The following CENPT variants were observed in gnomAD, a reference collection of about 807,000 sequenced individuals.
CENPT encodes the protein interphase centromere complex protein 22.
Under a neutral mutation model 59.7 loss-of-function variants are expected in CENPT, and 42 were observed. The ratio of observed to expected loss-of-function variants is 0.70; its 90% CI spans 0.55 to 0.91. CENPT has a LOEUF of 0.91. CENPT is among the 40% of genes least tolerant of loss of function. CENPT has a pLI of 0.00. For missense variants in CENPT, 716 were observed against 713.4 expected, an observed-to-expected ratio of 1.00 and a Z score of -0.04; for synonymous variants, 295 against 289.6, an observed-to-expected ratio of 1.02 and a Z score of -0.19.
In CENPT at chr16:67,830,188, C is replaced by T. The variant is rs1241499225; in HGVS notation, c.863-100G>A. 4 of 1,317,388 alleles carry T rather than the reference C, an allele frequency of 3.0e-6. No homozygotes were observed. In the East Asian group the frequency reaches 9.7e-5, roughly 32 times the overall value. 81.6% of individuals were successfully genotyped at this position (1,317,388 alleles called of 1,614,324 possible). On this transcript the variant is annotated intron_variant, in intron 11 of 15. Transcript: ENST00000562787. ...GGACCAGCAGACCCAGTCCTGCCCA[C>T]TGAGGAAAGACAAAGCCAGAGGCAG...
chr16:67,835,515 T>G (rs1297096575), intron 2 of CENPT, 23 bp downstream of exon 2: 2 of 151,992 alleles, frequency 1.3e-5, no homozygotes, highest in Non-Finnish European at 2.9e-5. Flanking sequence ...ACACAAAAAT[T>G]AGCTGGGTGT....
At chr16:67,840,021 T>A (rs2057751955) in intron 1 of CENPT, among the ~76,000 whole-genome samples, 1 of 152,016 alleles carries the variant, frequency 6.6e-6, no homozygotes, top group South Asian at 2.1e-4. Flanking sequence ...TAATTAGAAG[T>A]AATGTACATT....
At position 67,832,038 on chromosome 16, in the gene CENPT, G is replaced by A. The variant is rs201330281; in HGVS notation, c.360C>T (p.Pro120=). 6.2e-7 allele frequency: 1 copy of A among 1,609,746 alleles called. No homozygotes were observed. The highest frequency in any genetic ancestry group is 1.3e-5 in the African/African-American group (1 of 74,992). ...TGCCGCAACTGCTCTCTTGTCTGGAGGGTTGGACCGCCTGCGGTGCTGGCA... is the reference window on the plus strand; with the variant it reads ...TGCCGCAACTGCTCTCTTGTCTGGAAGGTTGGACCGCCTGCGGTGCTGGCA... ...KPVPAPQAVQ[P]SRQESSCGSL... The change falls in exon 7 of 16, where the codon CCC becomes CCT. Residue 120 remains proline (P), a synonymous_variant. Coordinates refer to ENST00000562787, the MANE Select transcript of CENPT (RefSeq NM_025082.4).
chr16:67,831,361 G>T lies in CENPT; in HGVS notation c.561-3C>A. On this transcript the variant is annotated splice_region_variant and splice_polypyrimidine_tract_variant and intron_variant, in intron 9 of 15. Coordinates refer to ENST00000562787, the MANE Select transcript of CENPT (RefSeq NM_025082.4). ...TGGCAAAGGTCAGGTTGAGGGATCT[G>T]GTGAGGTGGGGAGGCACAGAGGAAA... 6.2e-7 allele frequency: 1 copy of T among 1,612,688 alleles called. No individual in the cohort carries two copies. The highest frequency in any genetic ancestry group is 8.5e-7 in the Non-Finnish European group (1 of 1,178,994).
At position 67,832,333 on chromosome 16, in the gene CENPT, A is replaced by G. The variant is rs751720385; in HGVS notation, c.202-18T>C. On this transcript the variant is annotated intron_variant, in intron 5 of 15. Transcript: ENST00000562787. ...CCAACAGACTATCGGCAAAGCACCA[A>G]GCAACCAGTCTGTCCGTCTGCCTTG... 7 of 1,613,816 alleles carry G rather than the reference A, an allele frequency of 4.3e-6. No homozygotes were observed. The highest frequency in any genetic ancestry group is 3.4e-6 in the Non-Finnish European group (4 of 1,179,698).
rs1792212858 is a variant in CENPT, at chr16:67,828,684, A to G, written c.1440T>C (p.Leu480=). ...YAKMPMERKA[L]EMVEKCLDKY... is the part of the protein sequence containing the mutation. ...GGACTCACCACTTCTCCACCATCTC[A>G]AGAGCCTTCCTCTCCATGGGCATCT... The change falls in exon 14 of 16, where the codon CTT becomes CTC. Residue 480 remains leucine (L), a synonymous_variant. Transcript: ENST00000562787. 1 of 1,611,526 alleles carries G rather than the reference A, an allele frequency of 6.2e-7. No homozygotes were observed. Among genetic ancestry groups the G allele is most frequent in the African/African-American group, 1.3e-5 (1 of 74,818 alleles).
rs894434139 is a variant in CENPT, at chr16:67,842,510, G to C, written c.-492+4891C>G. 4.2e-6 allele frequency: 6 copies of C among 1,431,562 alleles called. 1 individual carries two copies. The South Asian group carries it at 4.4e-5, about 11-fold the overall frequency. The allele number at this position is 1,431,562 out of a possible 1,614,324, so 88.7% of individuals were successfully genotyped here. ...GCGGCGTAGCCACTGGGCCGTCGAA[G>C]AGCGCAGGAGGCCGGTGGGCCGGGC... On this transcript the variant is annotated intron_variant, in intron 1 of 15. Coordinates refer to ENST00000562787, the MANE Select transcript of CENPT (RefSeq NM_025082.4). The surrounding 1 kb of genome is among the most constrained non-coding windows in gnomAD (Gnocchi z 4.9).
Position 67,830,631 on chromosome 16 carries a change from C to T in CENPT, c.704-83G>A, listed in dbSNP as rs974162426. 54 of 1,435,752 alleles carry T rather than the reference C, an allele frequency of 3.8e-5. No individual in the cohort carries two copies. The Middle Eastern group carries it at 5.4e-4, about 14-fold the overall frequency. The allele number at this position is 1,435,752 out of a possible 1,614,324, so 88.9% of individuals were successfully genotyped here. ...GGCTCTCAGCGTATTCCAGGCCCAC[C>T]GGCTGCTACTCAGCGTTGCCAGGGC... On this transcript the variant is annotated intron_variant, in intron 10 of 15. Coordinates refer to ENST00000562787, the MANE Select transcript of CENPT (RefSeq NM_025082.4).
chr16:67,831,285 G>A lies in CENPT; in HGVS notation c.634C>T (p.Pro212Ser). ...VQRPGLARRP[P>S]ARRAVDVGAF... is the part of the protein sequence containing the mutation. Reference sequence around the variant, plus strand: ...CCCACGTCTACAGCTCGGCGGGCTGGAGGTCTGCGGGCCAAGCCAGGCCTC... The same window carrying A: ...CCCACGTCTACAGCTCGGCGGGCTGAAGGTCTGCGGGCCAAGCCAGGCCTC... The change falls in exon 10 of 16, where the codon CCA becomes TCA. Residue 212 changes from proline to serine, a missense_variant. Transcript: ENST00000562787. The A allele has an allele frequency of 6.2e-7, 1 of 1,614,174 alleles. No homozygotes were observed.
Position 67,833,734 on chromosome 16 carries a change from G to C in CENPT, c.110+16C>G, listed in dbSNP as rs59819720. ...CCCTCTAGTTGCTCAAGTACTCGGGGAGCCCCCTCACATACCCAGCCCGAG... is the reference window on the plus strand; with the variant it reads ...CCCTCTAGTTGCTCAAGTACTCGGGCAGCCCCCTCACATACCCAGCCCGAG... On this transcript the variant is annotated intron_variant, in intron 4 of 15. Coordinates refer to ENST00000562787, the MANE Select transcript of CENPT (RefSeq NM_025082.4). 0.011 allele frequency: 16,734 copies of C among 1,469,596 alleles called. 1,127 individuals are homozygous for C. The African/African-American group carries it at 0.17, about 15-fold the overall frequency. 91.0% of individuals were successfully genotyped at this position (1,469,596 alleles called of 1,614,324 possible).
At chr16:67,836,606 T>C (rs995133363) in intron 1 of CENPT, among the ~76,000 whole-genome samples, 1 of 151,176 alleles carries the variant, frequency 6.6e-6, no homozygotes, top group Non-Finnish European at 1.5e-5. Context: ...CCCGGCTAAT[T>C]TTTTGTATTT....
intron 13 of CENPT, 198 bp from the exon 14 acceptor site, chr16:67,829,041 C>G: frequency 1.8e-6 from 1 of 566,402 alleles, no homozygotes. Context: ...GGCTCTGTCC[C>G]TCCACAGTCG....
chr16:67,833,155 G>A (rs1331954319), intron 4 of CENPT, among the ~76,000 whole-genome samples: 2 of 152,170 alleles, frequency 1.3e-5, no homozygotes, highest in Admixed American at 1.3e-4. Flanking sequence ...CTCACCCACT[G>A]CCACTCCCAC....
At position 67,843,074 on chromosome 16, in the gene CENPT, C is replaced by G; in HGVS notation, c.-492+4327G>C. ...CAGCAGTCAGGCTCCGGGATCCGTA[C>G]AGCCGGCGCCCATCACTCCCACTGG... On this transcript the variant is annotated intron_variant, in intron 1 of 15. Coordinates refer to ENST00000562787, the MANE Select transcript of CENPT (RefSeq NM_025082.4). The surrounding 1 kb of genome is among the most constrained non-coding windows in gnomAD (Gnocchi z 5.7). 3 of 1,611,622 alleles carry G rather than the reference C, an allele frequency of 1.9e-6. No individual in the cohort carries two copies. The highest frequency in any genetic ancestry group is 2.5e-6 in the Non-Finnish European group (3 of 1,180,006).
chr16:67,828,623 G>A, intron 14 of CENPT, 44 bp downstream of exon 14: 1 of 1,613,712 alleles, frequency 6.2e-7, no homozygotes, highest in South Asian at 1.1e-5. Flanking sequence ...GTCTGATCAT[G>A]ACCCGAGGGG....
At position 67,842,442 on chromosome 16, in the gene CENPT, C is replaced by T. The variant is rs1239108481; in HGVS notation, c.-492+4959G>A. On this transcript the variant is annotated intron_variant, in intron 1 of 15. Transcript: ENST00000562787. This position sits in a 1 kb window ranked among gnomAD's most constrained non-coding sequence, Gnocchi z 4.9. ...TGCGCCGAGCGGCAGTGGTGGGATA[C>T]CACCCAAGGCCTCGCGCGGCGCCGC... is the stretch of plus-strand genomic sequence containing the variant. The T allele has an allele frequency of 1.3e-5, 10 of 783,000 alleles. No homozygotes were observed. The highest frequency in any genetic ancestry group is 7.4e-5 in the African/African-American group (4 of 54,402). The allele number at this position is 783,000 out of a possible 1,614,324, so 48.5% of individuals were successfully genotyped here.
At position 67,830,811 on chromosome 16, in the gene CENPT, G is replaced by A. The variant is rs1290914331; in HGVS notation, c.704-263C>T. ...CCCTATAGCTGCCCGCCCACCAGCT[G>A]CCCACTTAAAATACCTCTTCGCTGC... On this transcript the variant is annotated intron_variant, in intron 10 of 15. Transcript: ENST00000562787. The A allele has an allele frequency of 2.6e-5, 14 of 535,556 alleles. No homozygotes were observed. In the East Asian group the frequency reaches 4.5e-4, roughly 17 times the overall value. 33.2% of individuals were successfully genotyped at this position (535,556 alleles called of 1,614,324 possible). A position where few individuals can be genotyped will look rare whatever the true frequency, so the allele number is the denominator to read the frequency against.
intron 1 of CENPT, among the ~76,000 whole-genome samples, chr16:67,845,688 G>A (rs1267592965): frequency 2.0e-5 from 3 of 152,238 alleles, no homozygotes; most frequent in African/African-American, 4.8e-5. Flanking sequence ...GTGTCTGGAG[G>A]TTATGGGCAG....
chr16:67,833,017 C>G (rs901312681), intron 4 of CENPT, among the ~76,000 whole-genome samples: 1 of 152,186 alleles, frequency 6.6e-6, no homozygotes, highest in Non-Finnish European at 1.5e-5. Context: ...GTTCCCAGGG[C>G]GCAGCTCCTA....
Sources: gnomAD v4.1 joint callset for allele counts (sites outside exome capture counted in the v4.1 genomes callset) on GRCh38, gnomAD v4.1.1 for gene constraint, Gnocchi (gnomAD v3.1) non-coding constraint, MANE v1.5 for transcripts, NCBI Gene and HGNC (gene_info 2026-07-23, HGNC 2026-07-21) for gene names.